The following GRAMD4 variants were observed in gnomAD, a reference collection of about 807,000 sequenced individuals.
The protein encoded by GRAMD4 is GRAM domain-containing protein 4.
GRAMD4 carries 25 observed loss-of-function variants against 83.9 expected under a neutral mutation model. The observed-to-expected ratio is 0.30, with a 90% CI of 0.22 to 0.42. The LOEUF (loss-of-function observed/expected upper bound fraction) is 0.42, where lower values mean the gene tolerates loss of function less well. GRAMD4 is among the 10% of genes least tolerant of loss of function. GRAMD4 has a pLI of 1.00. For missense variants in GRAMD4, 593 were observed against 788.7 expected (o/e 0.75, Z 2.97); for synonymous variants, 336 against 320.9 (o/e 1.05, Z -0.50).
intron 1 of GRAMD4, among the ~76,000 whole-genome samples, chr22:46,611,608 A>C (rs2081417488): frequency 6.6e-6 from 1 of 151,668 alleles, no homozygotes; most frequent in African/African-American, 2.4e-5. Flanking sequence ...TGCTTTGTAC[A>C]CTCCGAGAAA....
chr22:46,668,694 T>C lies in GRAMD4; in HGVS notation c.936T>C (p.Leu312=). The change falls in exon 12 of 19, where the codon CTT becomes CTC. Residue 312 remains leucine (L), a synonymous_variant. Coordinates refer to ENST00000406902, the MANE Select transcript of GRAMD4 (RefSeq NM_015124.5). ...VLDVAQKAQN[L]FGKMADILEK... is the part of the protein sequence containing the mutation. ...GCTGTTTCTCCTTCACACAGAACCT[T>C]TTCGGGAAGATGGCTGACATCCTGG... 1 of 1,612,072 alleles carries C rather than the reference T, an allele frequency of 6.2e-7. No homozygotes were observed. Among genetic ancestry groups the C allele is most frequent in the Middle Eastern group, 1.6e-4 (1 of 6,062 alleles).
intron 3 of GRAMD4, among the ~76,000 whole-genome samples, chr22:46,643,141 T>TCCATCCATCCA (rs2082005534): frequency 4.4e-4 from 2 of 4,546 alleles, no homozygotes; most frequent in African/African-American, 1.9e-3. Context: ...CCATGCATCC[T>TCCATCCATCCA]TCCATCCATC....
At chr22:46,607,733 G>A (rs1386316236) in intron 1 of GRAMD4, among the ~76,000 whole-genome samples, 8 of 152,166 alleles carry the variant, frequency 5.3e-5, no homozygotes, top group South Asian at 2.1e-4. Context: ...GGTGCTCCAC[G>A]CTGTGCTCGG....
intron 3 of GRAMD4, among the ~76,000 whole-genome samples, chr22:46,648,173 AATGG>A (rs2082098287): frequency 6.6e-6 from 1 of 150,656 alleles, no homozygotes; most frequent in Non-Finnish European, 1.5e-5. Context: ...TGGATGGATA[AATGG>A]ATGGATGAGT....
intron 1 of GRAMD4, among the ~76,000 whole-genome samples, chr22:46,610,403 G>A (rs1388551636): frequency 1.3e-5 from 2 of 152,192 alleles, no homozygotes; most frequent in Non-Finnish European, 2.9e-5. Context: ...ACTGCCACCT[G>A]TTTCTGCCTG....
At chr22:46,652,444 A>G (rs1228512057) in intron 3 of GRAMD4, among the ~76,000 whole-genome samples, 1 of 152,210 alleles carries the variant, frequency 6.6e-6, no homozygotes, top group Non-Finnish European at 1.5e-5. Context: ...TTCTGACCCC[A>G]GAACTGTAAG....
In GRAMD4 at chr22:46,639,236, T is replaced by G. The variant is rs1171373007; in HGVS notation, c.283+1276T>G. 2.0e-5 allele frequency among the ~76,000 whole-genome samples: 3 copies of G among 150,382 alleles called. No individual in the cohort carries two copies. In the East Asian group the frequency reaches 5.9e-4, roughly 29 times the overall value. ...CATGTGTGTGAGTAGTTAACCACGG[T>G]AGTAGTTAACCGTGTGTATGTAGAC... On this transcript the variant is annotated intron_variant, in intron 3 of 18. Coordinates refer to ENST00000406902, the MANE Select transcript of GRAMD4 (RefSeq NM_015124.5).
rs975426045 is a variant in GRAMD4, at chr22:46,621,748, G to A, written c.-50+1183G>A. ...GTGTCGCGGAGGGCACCCCTACCCC[G>A]GTGCAGGCGCAGGCTGGAAGTGTAG... On this transcript the variant is annotated intron_variant, in intron 1 of 18. Coordinates refer to ENST00000406902, the MANE Select transcript of GRAMD4 (RefSeq NM_015124.5). This position sits in a 1 kb window ranked among gnomAD's most constrained non-coding sequence, Gnocchi z 5.8. Among the ~76,000 whole-genome samples, 23 of 151,566 alleles carry A rather than the reference G, an allele frequency of 1.5e-4. No individual in the cohort carries two copies. The highest frequency in any genetic ancestry group is 2.2e-4 in the Non-Finnish European group (15 of 67,958).
At chr22:46,650,264 C>G (rs544569365) in intron 3 of GRAMD4, among the ~76,000 whole-genome samples, 4 of 152,120 alleles carry the variant, frequency 2.6e-5, no homozygotes, top group East Asian at 3.8e-4. Context: ...TAAAAATAGC[C>G]GCAGAACTGC....
In GRAMD4 at chr22:46,622,911, CT is replaced by C. The variant is rs2081597888; in HGVS notation, c.-50+2347del. On this transcript the variant is annotated intron_variant, in intron 1 of 18. Transcript: ENST00000406902. The surrounding 1 kb of genome is among the most constrained non-coding windows in gnomAD (Gnocchi z 4.0). ...TGGGCGACAGAGCAAGACTCCATCT[CT>C]AAAAAAAAAAAAAAAAAAACTGATG... 1.7e-5 allele frequency among the ~76,000 whole-genome samples: 2 copies of C among 114,602 alleles called. No individual in the cohort carries two copies. Among genetic ancestry groups the C allele is most frequent in the Middle Eastern group, 5.6e-3 (1 of 178 alleles). 75.2% of individuals were successfully genotyped at this position (114,602 alleles called of 152,430 possible).
Position 46,678,305 on chromosome 22 carries a change from C to T in GRAMD4, c.*1054C>T, listed in dbSNP as rs2082628146. 2 of 985,504 alleles carry T rather than the reference C, an allele frequency of 2.0e-6. No individual in the cohort carries two copies. Among genetic ancestry groups the T allele is most frequent in the Admixed American group, 6.1e-5 (1 of 16,290 alleles). 61.0% of individuals were successfully genotyped at this position (985,504 alleles called of 1,614,324 possible). On this transcript the variant is annotated 3_prime_UTR_variant, in exon 19 of 19. Transcript: ENST00000406902. ...TTTAGGGAGCAACCGTGAGCCGAGC[C>T]CAGAGGCCTGGGCCTGCACTGCCTG... is the stretch of plus-strand genomic sequence containing the variant.
chr22:46,649,599 T>C (rs1269619369), intron 3 of GRAMD4, among the ~76,000 whole-genome samples: 1 of 152,202 alleles, frequency 6.6e-6, no homozygotes, highest in African/African-American at 2.4e-5. Flanking sequence ...CCTAAAACGG[T>C]GGTTGGCCAG....
At position 46,651,737 on chromosome 22, in the gene GRAMD4, G is replaced by T. The variant is rs144424488; in HGVS notation, c.284-6450G>T. Among the ~76,000 whole-genome samples, 105 of 152,342 alleles carry T rather than the reference G, an allele frequency of 6.9e-4. 3 individuals carry two copies. Among genetic ancestry groups the T allele is most frequent in the East Asian group, 4.1e-3 (21 of 5,176 alleles). ...CTGGAACACCTCCTCCATCCGTGCT[G>T]TTCACTGCGGGGGTTTAGAGAGGCT... On this transcript the variant is annotated intron_variant, in intron 3 of 18. Transcript: ENST00000406902.
chr22:46,634,871 AGGT>A (rs1393038022), intron 2 of GRAMD4, among the ~76,000 whole-genome samples: 1 of 151,716 alleles, frequency 6.6e-6, no homozygotes, highest in African/African-American at 2.4e-5. Context: ...TGAACCTGGG[AGGT>A]AGAGGTTGCA....
chr22:46,632,506 G>A (rs766813298), intron 2 of GRAMD4, among the ~76,000 whole-genome samples: 7 of 152,224 alleles, frequency 4.6e-5, no homozygotes, highest in Non-Finnish European at 5.9e-5. Flanking sequence ...TTGGTGTCCT[G>A]CACCCTTGGA....
At chr22:46,669,591 T>G (rs561061438) in intron 13 of GRAMD4, among the ~76,000 whole-genome samples, 1 of 151,666 alleles carries the variant, frequency 6.6e-6, no homozygotes, top group African/African-American at 2.4e-5. Flanking sequence ...TTTTTTTTTT[T>G]TGGAGACGGA....
chr22:46,611,996 C>CAAAAAAAAAAA lies in GRAMD4; in HGVS notation c.-49-14743_-49-14733dup, dbSNP rs61392000. ...TGGGAGACACAGCGAGACTCCATCTCAAAAAAAAAAAAAAAAAAAAAAGAA... is the reference window on the plus strand; with the variant it reads ...TGGGAGACACAGCGAGACTCCATCTCAAAAAAAAAAAAAAAAAAAAAAAAAAAAAAAAAGAA... On this transcript the variant is annotated intron_variant, in intron 1 of 1. Coordinates refer to the GRAMD4 transcript ENST00000431155. 6.0e-5 allele frequency among the ~76,000 whole-genome samples: 3 copies of CAAAAAAAAAAA among 50,158 alleles called. 1 individual carries two copies. Among genetic ancestry groups the CAAAAAAAAAAA allele is most frequent in the African/African-American group, 2.6e-4 (3 of 11,564 alleles). The allele number at this position is 50,158 out of a possible 152,430, so 32.9% of individuals were successfully genotyped here. A position where few individuals can be genotyped will look rare whatever the true frequency, so the allele number is the denominator to read the frequency against.
chr22:46,607,490 C>T (rs990315332), intron 1 of GRAMD4, among the ~76,000 whole-genome samples: 1 of 152,124 alleles, frequency 6.6e-6, no homozygotes, highest in African/African-American at 2.4e-5. Flanking sequence ...CAGGAGGCAC[C>T]GGGCAGGTTA....
intron 17 of GRAMD4, 50 bp from the exon 18 acceptor site, chr22:46,676,550 T>G: frequency 6.6e-7 from 1 of 1,513,784 alleles, no homozygotes; most frequent in Middle Eastern, 2.1e-4. Flanking sequence ...GGGCTGTGCC[T>G]CCCTGTCCCC....
Sources: allele counts gnomAD v4.1 joint callset (sites outside exome capture counted in the v4.1 genomes callset), GRCh38; gene constraint gnomAD v4.1.1; non-coding constraint Gnocchi (gnomAD v3.1); transcripts MANE v1.5; gene names NCBI Gene and HGNC (gene_info 2026-07-23, HGNC 2026-07-21).